Variants in METRNL observed in about 807,000 individuals in gnomAD.
The protein encoded by METRNL is meteorin like, glial cell differentiation regulator.
METRNL carries 9 observed loss-of-function variants against 17.4 expected under a neutral mutation model. The ratio of observed to expected loss-of-function variants is 0.52; its 90% CI spans 0.31 to 0.90. The LOEUF (loss-of-function observed/expected upper bound fraction) is 0.90, where lower values mean the gene tolerates loss of function less well. METRNL is among the 40% of genes least tolerant of loss of function. The probability of loss-of-function intolerance (pLI) is 0.05; values close to 1 mark genes in which losing one functional copy is unlikely to be tolerated. For missense variants in METRNL, 408 were observed against 430.7 expected (o/e 0.95, Z 0.47); for synonymous variants, 215 against 199.3 (o/e 1.08, Z -0.66).
chr17:83,080,524 G>A (rs1431936971), intron 1 of METRNL, among the ~76,000 whole-genome samples: 2 of 129,136 alleles, frequency 1.5e-5, no homozygotes, highest in Non-Finnish European at 3.4e-5. Context: ...GCCCCGTGAA[G>A]GTCAGGCCGC....
intron 2 of METRNL, among the ~76,000 whole-genome samples, chr17:83,090,138 AC>A (rs1320834461): frequency 2.4e-5 from 3 of 125,466 alleles, no homozygotes; most frequent in Non-Finnish European, 5.1e-5. Flanking sequence ...GGAGCCACAC[AC>A]CCCCGCCCCG....
intron 1 of METRNL, among the ~76,000 whole-genome samples, chr17:83,080,420 C>G (rs1015847995): frequency 2.7e-5 from 4 of 150,278 alleles, no homozygotes; most frequent in African/African-American, 9.7e-5. Flanking sequence ...GGATCGGGCG[C>G]GGACCGCAGC....
intron 1 of METRNL, chr17:83,084,409 C>G (rs1487328088): frequency 1.3e-5 from 2 of 154,236 alleles, no homozygotes; most frequent in African/African-American, 2.4e-5. Flanking sequence ...GGGGCCCCAC[C>G]TTCGCTTTAC....
At position 83,093,171 on chromosome 17, in the gene METRNL, G is replaced by C. The variant is rs749764393; in HGVS notation, c.561G>C (p.Pro187=). The C allele has an allele frequency of 2.5e-6, 4 of 1,607,486 alleles. No homozygotes were observed. The highest frequency in any genetic ancestry group is 2.5e-6 in the Non-Finnish European group (3 of 1,179,798). The part of the protein sequence containing the change: ...RASDLHELSA[P]CRPCSDTEVL... ...GACTCTGCCTTTCTTCTCCAGCGCC[G>C]TGCCGTCCCTGCAGTGACACCGAGG... Residue 187 remains proline (P), a synonymous_variant, in exon 3 of 4, where the codon CCG becomes CCC. Coordinates refer to ENST00000320095, the MANE Select transcript of METRNL (RefSeq NM_001004431.3).
At chr17:83,082,621 C>G (rs968647996) in intron 1 of METRNL, among the ~76,000 whole-genome samples, 3 of 152,188 alleles carry the variant, frequency 2.0e-5, no homozygotes, top group Non-Finnish European at 2.9e-5. Context: ...CACAAAATGC[C>G]CTCATCCATG....
intron 2 of METRNL, among the ~76,000 whole-genome samples, chr17:83,088,227 C>T (rs1018698609): frequency 1.3e-5 from 2 of 152,234 alleles, no homozygotes; most frequent in Admixed American, 6.5e-5. Context: ...GAGGAAACCC[C>T]GCAGGATGGG....
rs1260320849 is a variant in METRNL at position 83,079,726 on chromosome 17, G to A, written c.-90G>A. 1.6e-4 allele frequency: 85 copies of A among 530,970 alleles called. No homozygotes were observed. The highest frequency in any genetic ancestry group is 2.0e-4 in the Non-Finnish European group (84 of 419,784). The allele number at this position is 530,970 out of a possible 1,614,324, so 32.9% of individuals were successfully genotyped here. A position where few individuals can be genotyped will look rare whatever the true frequency, so the allele number is the denominator to read the frequency against. On this transcript the variant is annotated 5_prime_UTR_variant, in exon 1 of 4. Transcript: ENST00000320095. ...CGCGACGTGACCACCCGGACTCGAA[G>A]CCCGCCCCGCCCCCGCCCGGCTCGC...
intron 1 of METRNL, among the ~76,000 whole-genome samples, chr17:83,081,114 G>A (rs1391335454): frequency 6.6e-6 from 1 of 151,814 alleles, no homozygotes; most frequent in East Asian, 2.0e-4. Flanking sequence ...GGCCGTGGGC[G>A]GTGCCCGGCT....
chr17:83,085,301 G>A lies in METRNL; in HGVS notation c.534G>A (p.Ala178=), dbSNP rs143823333. 2.3e-5 allele frequency: 36 copies of A among 1,532,288 alleles called. No homozygotes were observed. Among genetic ancestry groups the A allele is most frequent in the South Asian group, 1.3e-4 (10 of 78,112 alleles). The allele number at this position is 1,532,288 out of a possible 1,614,324, so 94.9% of individuals were successfully genotyped here. ...ACGAGCTGGTTAGGAGGCACAGGGC[G>A]TCGGACCTGCACGAGCTGTCTGGTG... ...FQYELVRRHR[A]SDLHELSAPC... is the part of the protein sequence containing the mutation. Residue 178 remains alanine (A), a synonymous_variant, in exon 2 of 4, where the codon GCG becomes GCA. Coordinates refer to ENST00000320095, the MANE Select transcript of METRNL (RefSeq NM_001004431.3).
intron 2 of METRNL, among the ~76,000 whole-genome samples, chr17:83,091,588 T>C (rs4986107): frequency 0.39 from 59,974 of 151,894 alleles, 12,133 homozygotes; most frequent in African/African-American, 0.5. Context: ...CCCTGTCCCC[T>C]GGGACCCCCA....
At chr17:83,080,638 C>G (rs2037974461) in intron 1 of METRNL, among the ~76,000 whole-genome samples, 1 of 134,850 alleles carries the variant, frequency 7.4e-6, no homozygotes, top group Non-Finnish European at 1.6e-5. Context: ...TCAAGCGTGG[C>G]CGCCGAGAGC....
At chr17:83,089,638 G>T (rs2038093546) in intron 2 of METRNL, among the ~76,000 whole-genome samples, 5 of 151,112 alleles carry the variant, frequency 3.3e-5, no homozygotes, top group Admixed American at 3.3e-4. Flanking sequence ...CCAACCCTTT[G>T]CCGACCCTCC....
intron 2 of METRNL, among the ~76,000 whole-genome samples, chr17:83,090,575 C>G (rs1372935304): frequency 6.9e-6 from 1 of 144,692 alleles, no homozygotes; most frequent in African/African-American, 2.6e-5. Flanking sequence ...CCTCCTGCCT[C>G]CTGCCTTTGC....
rs1471918395 is a variant in METRNL at position 83,079,812 on chromosome 17, G to C, written c.-4G>C. On this transcript the variant is annotated 5_prime_UTR_variant, in exon 1 of 4. Transcript: ENST00000320095. ...GGGCCGGGCGGCGGAGCCGGCGCCA[G>C]AGCATGCGGGGCGCGGCGCGGGCGG... 1.0e-6 allele frequency: 1 copy of C among 976,012 alleles called. No individual in the cohort carries two copies. The highest frequency in any genetic ancestry group is 1.2e-6 in the Non-Finnish European group (1 of 825,436). The allele number at this position is 976,012 out of a possible 1,614,324, so 60.5% of individuals were successfully genotyped here. A position where few individuals can be genotyped will look rare whatever the true frequency, so the allele number is the denominator to read the frequency against.
intron 1 of METRNL, 66 bp downstream of exon 1, chr17:83,080,051 G>A (rs1464585398): frequency 4.2e-6 from 4 of 962,120 alleles, no homozygotes; most frequent in Non-Finnish European, 5.0e-6. Context: ...TCCCGGGCCG[G>A]CCGAGCGTGC....
At chr17:83,090,739 G>A (rs1458503147) in intron 2 of METRNL, among the ~76,000 whole-genome samples, 1 of 151,520 alleles carries the variant, frequency 6.6e-6, no homozygotes, top group Non-Finnish European at 1.5e-5. Flanking sequence ...AGGCGCCCTG[G>A]GCTGGGACCT....
At chr17:83,083,172 G>C (rs905712212) in intron 1 of METRNL, among the ~76,000 whole-genome samples, 3 of 152,242 alleles carry the variant, frequency 2.0e-5, no homozygotes, top group Non-Finnish European at 4.4e-5. Flanking sequence ...GGCTCAAGTC[G>C]GCCTCCTCCT....
At chr17:83,093,515 C>T (rs1050905124) in intron 3 of METRNL, among the ~76,000 whole-genome samples, 1 of 152,198 alleles carries the variant, frequency 6.6e-6, no homozygotes, top group Admixed American at 6.5e-5. Flanking sequence ...CTCTTGAAGT[C>T]CACTGTCTCC....
At chr17:83,087,934 C>T (rs1433697080) in intron 2 of METRNL, among the ~76,000 whole-genome samples, 1 of 152,192 alleles carries the variant, frequency 6.6e-6, no homozygotes, top group Non-Finnish European at 1.5e-5. Flanking sequence ...GAGCCCCGTC[C>T]CCTGCCCAGC....
Sources: gnomAD v4.1 joint callset for allele counts (sites outside exome capture counted in the v4.1 genomes callset) on GRCh38, gnomAD v4.1.1 for gene constraint, MANE v1.5 for transcripts, NCBI Gene and HGNC (gene_info 2026-07-23, HGNC 2026-07-21) for gene names.